CES4A: variants seen among roughly 807,000 people sequenced by gnomAD.
The protein encoded by CES4A is carboxylesterase 4A, also known as carboxylesterase 6.
A neutral mutation model predicts 65.4 loss-of-function variants in CES4A; 48 were observed. The observed-to-expected ratio is 0.73, with a 90% CI of 0.58 to 0.93. The LOEUF (loss-of-function observed/expected upper bound fraction) is 0.93. CES4A is among the 40% of genes least tolerant of loss of function. The probability of loss-of-function intolerance (pLI) is 0.00; values close to 1 mark genes in which losing one functional copy is unlikely to be tolerated. For missense variants in CES4A, 685 were observed against 728.5 expected (o/e 0.94, Z 0.69); for synonymous variants, 247 against 281.8 (o/e 0.88, Z 1.24).
At chr16:67,009,852 CTCAG>C (rs1310710647), downstream of CES4A, 2 of 152,282 alleles carry the variant, frequency 1.3e-5, no homozygotes, top group South Asian at 2.1e-4. Context: ...GGATGCTACA[CTCAG>C]TCAAAGGGTG....
At chr16:66,999,617 C>A (rs568142620) in intron 2 of CES4A, among the ~76,000 whole-genome samples, 4 of 152,330 alleles carry the variant, frequency 2.6e-5, no homozygotes, top group African/African-American at 7.2e-5. Context: ...GCCTGGCCAA[C>A]ATGGTGAAAC....
At chr16:66,991,068 A>G (rs941196254) in intron 1 of CES4A, among the ~76,000 whole-genome samples, 6 of 152,012 alleles carry the variant, frequency 3.9e-5, no homozygotes, top group African/African-American at 1.5e-4. Flanking sequence ...TCTGTCTCCC[A>G]GGCTGGAGCA....
chr16:67,008,078 C>T (rs1381995821), intron 13 of CES4A: 1 of 152,232 alleles, frequency 6.6e-6, no homozygotes, highest in Non-Finnish European at 1.5e-5. Flanking sequence ...AGCCACCACG[C>T]CTAGCCTAAT....
chr16:66,992,153 C>T (rs767539867), intron 1 of CES4A, among the ~76,000 whole-genome samples: 12 of 152,234 alleles, frequency 7.9e-5, no homozygotes, highest in Non-Finnish European at 2.9e-5. Context: ...TCACGGCCCC[C>T]CTCTGGGTCT....
chr16:66,993,823 C>T (rs1029588294), intron 1 of CES4A, among the ~76,000 whole-genome samples: 7 of 152,014 alleles, frequency 4.6e-5, no homozygotes, highest in African/African-American at 1.2e-4. Context: ...AGGCGTAGGC[C>T]GGGCGCGGTG....
intron 2 of CES4A, among the ~76,000 whole-genome samples, chr16:66,999,005 G>A (rs1965078886): frequency 6.6e-6 from 1 of 152,236 alleles, no homozygotes; most frequent in Non-Finnish European, 1.5e-5. Context: ...GGCTCTGATG[G>A]TGGGATGGGC....
In CES4A at chr16:67,009,031, C is replaced by G; in HGVS notation, c.1575C>G (p.Tyr525Ter). The change falls in exon 14 of 14, where the codon TAC becomes TAG. Residue 525 changes from tyrosine to a stop codon, truncating the protein, a stop_gained. Coordinates refer to ENST00000648724, the Ensembl canonical transcript of CES4A. LOFTEE classifies it low-confidence loss of function (END_TRUNC). ...CACGCTACAACAAGGATGAAAAGTA[C>G]CTGCAGCTGGATTTTACCACAAGAG... 6.2e-7 allele frequency: 1 copy of G among 1,614,186 alleles called. No homozygotes were observed. Among genetic ancestry groups the G allele is most frequent in the Non-Finnish European group, 8.5e-7 (1 of 1,180,030 alleles).
intron 2 of CES4A, 33 bp downstream of exon 2, chr16:66,995,862 G>T (rs1302324568): frequency 6.3e-7 from 1 of 1,582,288 alleles, no homozygotes; most frequent in African/African-American, 1.3e-5. Context: ...CTGGGAGGGG[G>T]CAATGGGCCT....
exon 10 of CES4A, chr16:67,004,864 C>T (rs1233613595): frequency 1.3e-6 from 2 of 1,535,832 alleles, no homozygotes; most frequent in Non-Finnish European, 1.7e-6. Flanking sequence ...GGAGTACCCG[C>T]ACCCTGTTGG....
In CES4A at chr16:67,009,120, C is replaced by CTGA. The variant is rs149407121; in HGVS notation, c.1665_1667dup (p.Pro555_Glu556insAsp). 5.8e-5 allele frequency: 93 copies of CTGA among 1,612,886 alleles called. No homozygotes were observed. In the African/African-American group the frequency reaches 1.1e-3, roughly 20 times the overall value. On this transcript the variant is annotated inframe_insertion, in exon 14 of 14. Transcript: ENST00000648724. ...ATGAGTCTGTACCAGTCTCAAAGAC[C>CTGA]TGAGAAGCAGAGGCAATTCTAAGGG...
intron 13 of CES4A, 179 bp downstream of exon 13, chr16:67,006,996 G>A (rs1965817092): frequency 1.7e-6 from 1 of 595,092 alleles, no homozygotes; most frequent in Non-Finnish European, 3.0e-6. Context: ...AACGTCTCTA[G>A]AATGTGTCCT....
chr16:66,996,045 T>A (rs1375492497), intron 2 of CES4A: 1 of 681,118 alleles, frequency 1.5e-6, no homozygotes, highest in Non-Finnish European at 2.7e-6. Flanking sequence ...TTGTTTTTGT[T>A]TTTGTTTTTT....
In CES4A at chr16:67,002,064, G is replaced by A. The variant is rs1056833183; in HGVS notation, c.690+603G>A. Among the ~76,000 whole-genome samples the A allele has an allele frequency of 5.3e-5, 8 of 152,152 alleles. No homozygotes were observed. The East Asian group carries it at 1.5e-3, about 29-fold the overall frequency. ...CGTCATCCATGTAATTCCTTCAATAGTCCAAAAAGAAAAGTACTGTTGTCT... is the reference window on the plus strand; with the variant it reads ...CGTCATCCATGTAATTCCTTCAATAATCCAAAAAGAAAAGTACTGTTGTCT... On this transcript the variant is annotated intron_variant, in intron 5 of 13. Transcript: ENST00000648724.
At chr16:66,990,992 A>ACTTTT (rs529820370) in intron 1 of CES4A, among the ~76,000 whole-genome samples, 183 of 151,888 alleles carry the variant, frequency 1.2e-3, no homozygotes, top group South Asian at 5.2e-3. Flanking sequence ...AGGCATGTGA[A>ACTTTT]CTTTTCTTTT....
At position 67,003,109 on chromosome 16, in the gene CES4A, A is replaced by T; in HGVS notation, c.730A>T (p.Ile244Phe). Residue 244 changes from isoleucine to phenylalanine, a missense_variant, in exon 6 of 14, where the codon ATT becomes TTT. By Grantham distance (21) the Ile-to-Phe change is conservative. Transcript: ENST00000648724. The surrounding 1 kb of genome is among the most constrained non-coding windows in gnomAD (Gnocchi z 4.2). ...AGCCTCGGGTCTCTTCCATCGGGCCATTTCCCAGAGTGGCACCGCGTTATT... is the reference window on the plus strand; with the variant it reads ...AGCCTCGGGTCTCTTCCATCGGGCCTTTTCCCAGAGTGGCACCGCGTTATT... 1.9e-6 allele frequency: 3 copies of T among 1,614,078 alleles called. No individual in the cohort carries two copies. The highest frequency in any genetic ancestry group is 1.6e-4 in the Middle Eastern group (1 of 6,062).
exon 2 of CES4A, chr16:66,995,713 C>T (rs1200629625): frequency 1.6e-5 from 26 of 1,614,094 alleles, no homozygotes; most frequent in Non-Finnish European, 2.2e-5. Context: ...AGACACCCAT[C>T]CAAGTCTTTT....
At chr16:67,009,455 A>C in exon 14 of CES4A, 1 of 240,800 alleles carries the variant, frequency 4.2e-6, no homozygotes, top group Non-Finnish European at 8.1e-6. Flanking sequence ...CCTTCTTCAA[A>C]TCCTCCCACC....
intron 1 of CES4A, among the ~76,000 whole-genome samples, chr16:66,995,204 G>A (rs984260109): frequency 1.1e-4 from 17 of 151,650 alleles, no homozygotes; most frequent in African/African-American, 4.1e-4. Flanking sequence ...CAGCTGCTCT[G>A]GAGGTTGAGG....
chr16:67,005,257 G>C lies in CES4A; in HGVS notation c.1179G>C (p.Gln393His), dbSNP rs372400557. Residue 393 changes from glutamine to histidine, a missense_variant, in exon 11 of 14, where the codon CAG (glutamine) becomes CAC (histidine). Gln to His is a conservative substitution (Grantham distance 24, BLOSUM62 0). Coordinates refer to ENST00000648724, the Ensembl canonical transcript of CES4A. ...TCACTCAGAATATCACCAAGGAGCA[G>C]GTACCACTTGTGGTGGAGGAGTACC... is the stretch of plus-strand genomic sequence containing the variant. The C allele has an allele frequency of 9.8e-5, 158 of 1,614,016 alleles. No individual in the cohort carries two copies. Among genetic ancestry groups the C allele is most frequent in the Non-Finnish European group, 1.3e-4 (149 of 1,180,032 alleles).
Sources: allele counts gnomAD v4.1 joint callset (sites outside exome capture counted in the v4.1 genomes callset), GRCh38; gene constraint gnomAD v4.1.1; non-coding constraint Gnocchi (gnomAD v3.1); transcripts MANE v1.5; gene names NCBI Gene and HGNC (gene_info 2026-07-23, HGNC 2026-07-21).